Variants in TBC1D19 observed in about 807,000 individuals in gnomAD.
TBC1D19 encodes TBC1 domain family member 19.
A neutral mutation model predicts 89.0 loss-of-function variants in TBC1D19; 60 were observed. The ratio of observed to expected loss-of-function variants is 0.67; its 90% CI spans 0.55 to 0.84. The LOEUF (loss-of-function observed/expected upper bound fraction) is 0.84, where lower values mean the gene tolerates loss of function less well. Among genes scored for constraint, TBC1D19 ranks in the 40% least tolerant of loss-of-function variants. The pLI, the probability that TBC1D19 is intolerant of heterozygous loss-of-function variation, is 0.00. For missense variants in TBC1D19, 500 were observed against 610.8 expected (o/e 0.82, Z 1.91); for synonymous variants, 189 against 199.7 (o/e 0.95, Z 0.45).
intron 15 of TBC1D19, among the ~76,000 whole-genome samples, chr4:26,735,049 CATGTATAT>C (rs1369518446): frequency 5.5e-4 from 82 of 148,996 alleles, no homozygotes; most frequent in East Asian, 1.6e-3. Flanking sequence ...TGTGTACACA[CATGTATAT>C]ATGTATATAT....
chr4:26,780,597 C>G, the TBC1D19 span, among the ~76,000 whole-genome samples: 1 of 152,232 alleles, frequency 6.6e-6, no homozygotes, highest in Non-Finnish European at 1.5e-5. Context: ...AGTGTCCCAG[C>G]TAGCAAGTAG....
At chr4:26,629,498 A>G (rs765831348) in intron 4 of TBC1D19, among the ~76,000 whole-genome samples, 14 of 152,102 alleles carry the variant, frequency 9.2e-5, no homozygotes, top group Non-Finnish European at 1.8e-4. Flanking sequence ...TAGATAATAG[A>G]TATTTTAAAA....
chr4:26,762,651 A>G, the TBC1D19 span, among the ~76,000 whole-genome samples: 1 of 152,228 alleles, frequency 6.6e-6, no homozygotes, highest in Non-Finnish European at 1.5e-5. Flanking sequence ...CCTTACCGGC[A>G]AAAGGGACTT....
the TBC1D19 span, among the ~76,000 whole-genome samples, chr4:26,810,994 C>T: frequency 2.6e-5 from 4 of 152,200 alleles, no homozygotes; most frequent in Non-Finnish European, 5.9e-5. Context: ...ACCAAGCAAT[C>T]CCATTACTGG....
intron 11 of TBC1D19, among the ~76,000 whole-genome samples, chr4:26,679,663 T>A (rs964462647): frequency 2.6e-5 from 4 of 152,160 alleles, no homozygotes; most frequent in Admixed American, 6.5e-5. Flanking sequence ...CAGCTTGCAC[T>A]GTGTGCCTGG....
Position 26,755,047 on chromosome 4 carries a change from A to C in TBC1D19, c.*100A>C. 9.6e-7 allele frequency: 1 copy of C among 1,044,282 alleles called. No homozygotes were observed. The highest frequency in any genetic ancestry group is 1.4e-6 in the Non-Finnish European group (1 of 732,732). 64.7% of individuals were successfully genotyped at this position (1,044,282 alleles called of 1,614,324 possible). A position where few individuals can be genotyped will look rare whatever the true frequency, so the allele number is the denominator to read the frequency against. On this transcript the variant is annotated 3_prime_UTR_variant, in exon 21 of 21. Coordinates refer to ENST00000264866, the MANE Select transcript of TBC1D19 (RefSeq NM_018317.4). ...AAACCAAAATGAAACTTTGCATATA[A>C]GCCAATAAAGATCATGTTCCCTCTT...
chr4:26,688,435 G>A, intron 13 of TBC1D19, 28 bp downstream of exon 13: 2 of 1,512,780 alleles, frequency 1.3e-6, no homozygotes, highest in Admixed American at 1.9e-5. Context: ...AATACATAGT[G>A]TTCTTGTTTT....
chr4:26,620,202 A>G (rs1167414317), intron 3 of TBC1D19, among the ~76,000 whole-genome samples: 2 of 152,120 alleles, frequency 1.3e-5, no homozygotes, highest in African/African-American at 2.4e-5. Flanking sequence ...AGATCTTTGC[A>G]TGGTTGGCTC....
At chr4:26,843,163 A>T in the TBC1D19 span, among the ~76,000 whole-genome samples, 3 of 152,360 alleles carry the variant, frequency 2.0e-5, no homozygotes, top group African/African-American at 7.2e-5. Flanking sequence ...AACATAAAAC[A>T]TAACTGAAAT....
intron 2 of TBC1D19, 146 bp from the exon 3 acceptor site, chr4:26,614,262 A>T (rs1741542841): frequency 1.8e-6 from 1 of 548,836 alleles, no homozygotes; most frequent in African/African-American, 1.9e-5. Flanking sequence ...AATCTTTAAT[A>T]ACGCTTTACA....
At chr4:26,587,576 CAA>C (rs34107105) in intron 1 of TBC1D19, among the ~76,000 whole-genome samples, 1,241 of 118,992 alleles carry the variant, frequency 0.01, 17 homozygotes, top group African/African-American at 0.033. Context: ...GACCTTGTCT[CAA>C]AAAAAAAAAA....
intron 1 of TBC1D19, among the ~76,000 whole-genome samples, chr4:26,584,763 C>T (rs1739316558): frequency 2.0e-5 from 3 of 152,142 alleles, no homozygotes; most frequent in Admixed American, 2.0e-4. Context: ...GTTTACCCTC[C>T]CTGCAATTAT....
intron 9 of TBC1D19, among the ~76,000 whole-genome samples, chr4:26,668,514 T>A (rs955961256): frequency 1.8e-4 from 28 of 151,920 alleles, no homozygotes; most frequent in Non-Finnish European, 7.4e-5. Flanking sequence ...AAAATAGTGG[T>A]AAGTGACAGA....
the TBC1D19 span, among the ~76,000 whole-genome samples, chr4:26,815,835 T>C: frequency 2.0e-5 from 3 of 152,240 alleles, no homozygotes; most frequent in Non-Finnish European, 4.4e-5. Flanking sequence ...AGAGATGGCA[T>C]GGCTCCTTTG....
chr4:26,772,659 C>T, the TBC1D19 span, among the ~76,000 whole-genome samples: 195 of 152,178 alleles, frequency 1.3e-3, no homozygotes, highest in African/African-American at 4.2e-3. Context: ...TGTGTTGCTC[C>T]CTGCTGTGTG....
intron 18 of TBC1D19, among the ~76,000 whole-genome samples, chr4:26,746,082 ATTAC>A (rs1718630177): frequency 6.6e-6 from 1 of 151,966 alleles, no homozygotes; most frequent in African/African-American, 2.4e-5. Flanking sequence ...TTGACCCATT[ATTAC>A]TTTAAATATT....
chr4:26,724,621 C>A (rs922877687), intron 15 of TBC1D19, among the ~76,000 whole-genome samples: 89 of 152,050 alleles, frequency 5.9e-4, no homozygotes, highest in Non-Finnish European at 2.5e-4. Context: ...ATATCTAGAA[C>A]CAAAAATAAA....
intron 8 of TBC1D19, among the ~76,000 whole-genome samples, chr4:26,659,963 C>T (rs1025741756): frequency 7.9e-5 from 12 of 152,104 alleles, no homozygotes; most frequent in Admixed American, 2.6e-4. Flanking sequence ...ATTTATGAGA[C>T]AGCTTGTTGG....
At position 26,739,910 on chromosome 4, in the gene TBC1D19, G is replaced by A; in HGVS notation, c.1164G>A (p.Gln388=). The A allele has an allele frequency of 2.5e-6, 4 of 1,597,744 alleles. No individual in the cohort carries two copies. Among genetic ancestry groups the A allele is most frequent in the Non-Finnish European group, 3.4e-6 (4 of 1,173,140 alleles). Residue 388 remains glutamine (Q), a synonymous_variant, in exon 17 of 21, where the codon CAG becomes CAA. Coordinates refer to ENST00000264866, the MANE Select transcript of TBC1D19 (RefSeq NM_018317.4). ...ACCATGAACCTTCCAAATTGTATCA[G>A]ATATTCCGTGAGATGTATGTGCGTT... ...FLYHEPSKLY[Q]IFREMYVRFF...
Sources: allele counts gnomAD v4.1 joint callset (sites outside exome capture counted in the v4.1 genomes callset), GRCh38; gene constraint gnomAD v4.1.1; transcripts MANE v1.5; gene names NCBI Gene and HGNC (gene_info 2026-07-23, HGNC 2026-07-21).